CERS4: variants seen among roughly 807,000 people sequenced by gnomAD.
The protein encoded by CERS4 is ceramide synthase 4, also known as LAG1 homolog, ceramide synthase 4.
Under a neutral mutation model 51.8 loss-of-function variants are expected in CERS4, and 65 were observed. That is an observed-to-expected ratio of 1.26 (90% CI 1.03 to 1.54). The LOEUF (loss-of-function observed/expected upper bound fraction) is 1.54, where lower values mean the gene tolerates loss of function less well. Among genes scored for constraint, CERS4 ranks in the 40% most tolerant of loss-of-function variants. The probability of loss-of-function intolerance (pLI) is 0.00; values close to 1 mark genes in which losing one functional copy is unlikely to be tolerated. For missense variants in CERS4, 563 were observed against 500.4 expected (o/e 1.13, Z -1.19); for synonymous variants, 228 against 208.4 (o/e 1.09, Z -0.81).
At chr19:8,243,216 AAAAAAAAT>A (rs1184595533) in intron 2 of CERS4, among the ~76,000 whole-genome samples, 2,500 of 149,608 alleles carry the variant, frequency 0.017, 122 homozygotes, top group African/African-American at 0.061. Flanking sequence ...AAAAAAAAAA[AAAAAAAAT>A]AGGGGATTGC....
chr19:8,259,514 T>C (rs1170854900), intron 10 of CERS4, among the ~76,000 whole-genome samples: 1 of 151,946 alleles, frequency 6.6e-6, no homozygotes, highest in Non-Finnish European at 1.5e-5. Context: ...CAATCTGACC[T>C]AGGTGTTCTG....
chr19:8,251,256 G>T lies in CERS4; in HGVS notation c.173+7G>T. 6.3e-7 allele frequency: 1 copy of T among 1,586,228 alleles called. No individual in the cohort carries two copies. Among genetic ancestry groups the T allele is most frequent in the South Asian group, 1.2e-5 (1 of 86,928 alleles). ...TGCGCCTTGCCTTTGAGAGGTGAGT[G>T]TCTGCCCTGCCGCAATCCATTGCCC... On this transcript the variant is annotated splice_region_variant and intron_variant, in intron 3 of 11. Coordinates refer to ENST00000251363, the MANE Select transcript of CERS4 (RefSeq NM_024552.3).
intron 2 of CERS4, among the ~76,000 whole-genome samples, chr19:8,249,021 G>A (rs563126631): frequency 2.3e-4 from 34 of 147,534 alleles, no homozygotes; most frequent in Non-Finnish European, 4.4e-4. Flanking sequence ...GTTTGGATGG[G>A]TGGATGGATG....
intron 2 of CERS4, chr19:8,238,428 G>T: frequency 1.2e-6 from 1 of 825,098 alleles, no homozygotes; most frequent in Non-Finnish European, 1.5e-6. Context: ...GAGGCATGTT[G>T]GAAAAAGGGC....
intron 8 of CERS4, 46 bp from the exon 9 acceptor site, chr19:8,256,903 T>G (rs766433513): frequency 6.2e-7 from 1 of 1,613,436 alleles, no homozygotes; most frequent in African/African-American, 1.3e-5. Flanking sequence ...TGGGGGACCT[T>G]CCAGCATCAA....
chr19:8,238,499 T>A lies in CERS4; in HGVS notation c.-1-12577T>A, dbSNP rs549215080. The A allele has an allele frequency of 5.6e-5, 55 of 985,324 alleles. No homozygotes were observed. The African/African-American group carries it at 8.0e-4, about 14-fold the overall frequency. The allele number at this position is 985,324 out of a possible 1,614,324, so 61.0% of individuals were successfully genotyped here. A position where few individuals can be genotyped will look rare whatever the true frequency, so the allele number is the denominator to read the frequency against. On this transcript the variant is annotated intron_variant, in intron 2 of 11. Coordinates refer to ENST00000251363, the MANE Select transcript of CERS4 (RefSeq NM_024552.3). The stretch of plus-strand genomic sequence containing the variant: ...TGGGAATCATACCATCTGGATGGCA[T>A]GGGGCTGAGGTAACCAGAGCTTGAA...
chr19:8,257,720 A>G (rs913192051), intron 9 of CERS4, among the ~76,000 whole-genome samples, 159 bp from the exon 10 acceptor site: 7 of 152,216 alleles, frequency 4.6e-5, no homozygotes, highest in African/African-American at 1.4e-4. Flanking sequence ...GTGAGCCACC[A>G]TGCCCAGCCT....
rs1410366373 is a variant in CERS4, at chr19:8,255,838, T to C, written c.427T>C (p.Tyr143His). The C allele has an allele frequency of 1.2e-6, 2 of 1,613,998 alleles. No homozygotes were observed. The highest frequency in any genetic ancestry group is 3.3e-5 in the Admixed American group (2 of 60,000). ...CATCCACAGCTGGAGGTTTCTCTTC[T>C]ACCTGTCCTCCTTCGTGGGCGGCCT... ...FCEASWRFLF[Y>H]LSSFVGGLSV... The change falls in exon 6 of 12, where the codon TAC (tyrosine) becomes CAC (histidine). Residue 143 changes from tyrosine to histidine, a missense_variant. Physicochemically the swap from Tyr to His is moderately conservative, Grantham distance 83. Coordinates refer to ENST00000251363, the MANE Select transcript of CERS4 (RefSeq NM_024552.3).
intron 7 of CERS4, 91 bp from the exon 8 acceptor site, chr19:8,256,527 G>C (rs1450112589): frequency 1.6e-6 from 2 of 1,269,040 alleles, no homozygotes; most frequent in East Asian, 4.7e-5. Context: ...AAGTATCCTG[G>C]TTTTGAGCAA....
At position 8,254,510 on chromosome 19, in the gene CERS4, T is replaced by C. The variant is rs1434578581; in HGVS notation, c.185T>C (p.Leu62Pro). 1.2e-6 allele frequency: 2 copies of C among 1,613,692 alleles called. No homozygotes were observed. The highest frequency in any genetic ancestry group is 3.3e-5 in the Admixed American group (2 of 59,992). ...MRLAFERFIG[L>P]PLSRWLGVRD... is the part of the protein sequence containing the mutation. ...TCCTTTGCACCCAGATTCATTGGCC[T>C]GCCCCTGAGCCGGTGGCTGGGTGTG... is the stretch of plus-strand genomic sequence containing the variant. The change falls in exon 4 of 12, where the codon CTG becomes CCG. Residue 62 changes from leucine (L) to proline (P), a missense_variant. Leu to Pro is a moderately conservative substitution (Grantham distance 98). Transcript: ENST00000251363.
At chr19:8,237,873 T>G (rs1486376311) in intron 2 of CERS4, among the ~76,000 whole-genome samples, 1 of 152,076 alleles carries the variant, frequency 6.6e-6, no homozygotes, top group Admixed American at 6.6e-5. Context: ...AAAAAAGTGT[T>G]GGATCTCACA....
chr19:8,220,536 C>T lies in CERS4; in HGVS notation c.-2+9674C>T, dbSNP rs377142974. Among the ~76,000 whole-genome samples the T allele has an allele frequency of 3.3e-5, 5 of 152,174 alleles. 1 individual carries two copies. Among genetic ancestry groups the T allele is most frequent in the Admixed American group, 2.0e-4 (3 of 15,250 alleles). On this transcript the variant is annotated intron_variant, in intron 2 of 11. Coordinates refer to ENST00000251363, the MANE Select transcript of CERS4 (RefSeq NM_024552.3). Reference sequence around the variant, plus strand: ...GCCAGGCTGATCTGGAACTCCTGGCCTCAGGTGATCTGCCCGCCTCGGCCT... The same window carrying T: ...GCCAGGCTGATCTGGAACTCCTGGCTTCAGGTGATCTGCCCGCCTCGGCCT...
At chr19:8,260,950 CAAAAAA>C (rs764163177) in intron 10 of CERS4, 984 of 35,556 alleles carry the variant, frequency 0.028, 7 homozygotes, top group East Asian at 0.12. Context: ...GACTCCATCT[CAAAAAA>C]AAAAAAAAAA....
chr19:8,254,891 C>T (rs1969297005), intron 4 of CERS4, among the ~76,000 whole-genome samples: 1 of 151,808 alleles, frequency 6.6e-6, no homozygotes, highest in Admixed American at 6.6e-5. Context: ...CCCTTCCCAG[C>T]CTCCTTGGGA....
chr19:8,234,889 C>T (rs1448520362), intron 2 of CERS4, among the ~76,000 whole-genome samples: 3 of 151,748 alleles, frequency 2.0e-5, no homozygotes, highest in Non-Finnish European at 4.4e-5. Context: ...TGGGACTATT[C>T]TAGAGACCTC....
intron 2 of CERS4, among the ~76,000 whole-genome samples, chr19:8,211,859 T>C (rs1486010340): frequency 2.3e-5 from 3 of 128,470 alleles, no homozygotes. Context: ...GCCACTGCAC[T>C]CCAGCCTGGG....
At chr19:8,246,581 G>A (rs762590135) in intron 2 of CERS4, among the ~76,000 whole-genome samples, 20 of 152,050 alleles carry the variant, frequency 1.3e-4, no homozygotes, top group Non-Finnish European at 2.1e-4. Context: ...ATTTCACTTG[G>A]GTAAATTTTA....
At chr19:8,260,516 T>G (rs1969627328) in intron 10 of CERS4, among the ~76,000 whole-genome samples, 1 of 130,464 alleles carries the variant, frequency 7.7e-6, no homozygotes, top group Non-Finnish European at 1.6e-5. Context: ...CAGCCAGTAC[T>G]TTCAAGGAGT....
At chr19:8,244,411 A>T (rs745926950) in intron 2 of CERS4, among the ~76,000 whole-genome samples, 1 of 152,246 alleles carries the variant, frequency 6.6e-6, no homozygotes, top group Non-Finnish European at 1.5e-5. Flanking sequence ...ATTATTAACT[A>T]AAATCATCAT....
Sources: gnomAD v4.1 joint callset for allele counts (sites outside exome capture counted in the v4.1 genomes callset) on GRCh38, gnomAD v4.1.1 for gene constraint, MANE v1.5 for transcripts, NCBI Gene and HGNC (gene_info 2026-07-23, HGNC 2026-07-21) for gene names.